LPAR3: variants seen among roughly 807,000 people sequenced by gnomAD.
LPAR3 encodes the protein lysophosphatidic acid receptor 3.
In LPAR3, 7 loss-of-function variants were observed where a neutral mutation model predicts 17.8. The ratio of observed to expected loss-of-function variants is 0.39; its 90% CI spans 0.22 to 0.74. The LOEUF (loss-of-function observed/expected upper bound fraction) is 0.74. Among genes scored for constraint, LPAR3 ranks in the 30% least tolerant of loss-of-function variants. LPAR3 has a pLI of 0.40. For missense variants in LPAR3, 391 were observed against 453.4 expected, an observed-to-expected ratio of 0.86 and a Z score of 1.25; for synonymous variants, 179 against 179.9, an observed-to-expected ratio of 0.99 and a Z score of 0.04.
At chr1:84,850,610 AC>A (rs926628689) in intron 2 of LPAR3, among the ~76,000 whole-genome samples, 8 of 151,856 alleles carry the variant, frequency 5.3e-5, no homozygotes. Context: ...AAGAAACAAA[AC>A]TAACAATCAC....
intron 2 of LPAR3, among the ~76,000 whole-genome samples, chr1:84,836,111 C>G (rs1397464952): frequency 2.2e-5 from 3 of 135,270 alleles, no homozygotes; most frequent in Non-Finnish European, 4.6e-5. Flanking sequence ...CCAAGGCGGG[C>G]AAACTGCTTG....
chr1:84,865,467 G>A lies in LPAR3; in HGVS notation c.654C>T (p.Asn218=), dbSNP rs777206710. The A allele has an allele frequency of 9.9e-6, 16 of 1,614,170 alleles. No homozygotes were observed. The highest frequency in any genetic ancestry group is 8.8e-5 in the South Asian group (8 of 91,074). The stretch of plus-strand genomic sequence containing the variant: ...ACCCACTTGTATGCGGAGACAAGAC[G>A]TTGGTTTTCCTCTTGACGTACACGT... ...RIYVYVKRKT[N]VLSPHTSGSI... is the part of the protein sequence containing the mutation. The change falls in exon 2 of 3, where the codon AAC becomes AAT. Residue 218 remains asparagine (N), a synonymous_variant. Transcript: ENST00000370611.
intron 2 of LPAR3, among the ~76,000 whole-genome samples, chr1:84,829,304 GCT>G: frequency 6.6e-6 from 1 of 151,846 alleles, no homozygotes; most frequent in Non-Finnish European, 1.5e-5. Flanking sequence ...TGTATAAGGT[GCT>G]GTCTAGTTCC....
intron 2 of LPAR3, among the ~76,000 whole-genome samples, chr1:84,815,256 C>A (rs1658910861): frequency 1.3e-5 from 2 of 152,200 alleles, no homozygotes; most frequent in African/African-American, 2.4e-5. Flanking sequence ...TATGACCCGC[C>A]TCTGTAGTAT....
intron 1 of LPAR3, among the ~76,000 whole-genome samples, chr1:84,874,132 T>C (rs550951207): frequency 7.2e-5 from 11 of 152,268 alleles, no homozygotes; most frequent in African/African-American, 1.9e-4. Flanking sequence ...AAAGTCTCCA[T>C]AATACTGGTC....
At position 84,865,466 on chromosome 1, in the gene LPAR3, C is replaced by A; in HGVS notation, c.655G>T (p.Val219Phe). ...GACCCACTTGTATGCGGAGACAAGA[C>A]GTTGGTTTTCCTCTTGACGTACACG... ...IYVYVKRKTN[V>F]LSPHTSGSIS... Residue 219 changes from valine (V) to phenylalanine (F), a missense_variant, in exon 2 of 3, where the codon GTC becomes TTC. Val to Phe is a conservative substitution (Grantham distance 50). Transcript: ENST00000370611. The A allele has an allele frequency of 6.2e-7, 1 of 1,614,138 alleles. No homozygotes were observed. The highest frequency in any genetic ancestry group is 2.2e-5 in the East Asian group (1 of 44,868).
At chr1:84,853,535 C>A (rs1378262839) in intron 2 of LPAR3, among the ~76,000 whole-genome samples, 1 of 152,214 alleles carries the variant, frequency 6.6e-6, no homozygotes, top group East Asian at 1.9e-4. Flanking sequence ...CTTCTTCTCT[C>A]TCTGCCTCCT....
At chr1:84,849,893 T>C (rs754402882) in intron 2 of LPAR3, among the ~76,000 whole-genome samples, 2 of 152,102 alleles carry the variant, frequency 1.3e-5, no homozygotes, top group Non-Finnish European at 2.9e-5. Flanking sequence ...CCCTGGATCA[T>C]AGTAGGGTTG....
chr1:84,839,766 A>C (rs1659474271), intron 2 of LPAR3, among the ~76,000 whole-genome samples: 1 of 152,228 alleles, frequency 6.6e-6, no homozygotes, highest in Non-Finnish European at 1.5e-5. Context: ...ACCAAAGTGC[A>C]CTCAAATCTT....
chr1:84,879,316 C>CTTTTTTTTTTTTTTT lies in LPAR3; in HGVS notation c.-18-13179_-18-13178insAAAAAAAAAAAAAAA, dbSNP rs1187756554. 2.7e-3 allele frequency among the ~76,000 whole-genome samples: 326 copies of CTTTTTTTTTTTTTTT among 120,594 alleles called. 4 individuals are homozygous for CTTTTTTTTTTTTTTT. Among genetic ancestry groups the CTTTTTTTTTTTTTTT allele is most frequent in the African/African-American group, 5.0e-3 (143 of 28,650 alleles). 79.1% of individuals were successfully genotyped at this position (120,594 alleles called of 152,430 possible). ...TTTTCTTTCTTTTCTTTTCTTTTTT[C>CTTTTTTTTTTTTTTT]TTTTTTTTTTTTTGAGATGGAATCT... On this transcript the variant is annotated intron_variant, in intron 1 of 2. Coordinates refer to ENST00000370611, the MANE Select transcript of LPAR3 (RefSeq NM_012152.3).
intron 2 of LPAR3, among the ~76,000 whole-genome samples, chr1:84,827,446 A>G (rs981279451): frequency 6.6e-6 from 1 of 152,156 alleles, no homozygotes; most frequent in Non-Finnish European, 1.5e-5. Context: ...CCAGATAACC[A>G]AAGCTTAAAA....
At chr1:84,827,445 CA>C (rs1659182780) in intron 2 of LPAR3, among the ~76,000 whole-genome samples, 1 of 150,994 alleles carries the variant, frequency 6.6e-6, no homozygotes, top group East Asian at 1.9e-4. Context: ...TCCAGATAAC[CA>C]AAGCTTAAAA....
At chr1:84,858,770 C>A (rs960933596) in intron 2 of LPAR3, among the ~76,000 whole-genome samples, 2 of 152,168 alleles carry the variant, frequency 1.3e-5, no homozygotes, top group Non-Finnish European at 2.9e-5. Context: ...AAGGTACAGT[C>A]CCTGACTTCG....
intron 1 of LPAR3, among the ~76,000 whole-genome samples, chr1:84,888,644 G>C (rs1415319873): frequency 6.6e-6 from 1 of 152,182 alleles, no homozygotes; most frequent in Non-Finnish European, 1.5e-5. Flanking sequence ...TTGCCTTAAA[G>C]CTGCATTTAT....
At chr1:84,882,586 A>T (rs950430167) in intron 1 of LPAR3, among the ~76,000 whole-genome samples, 4 of 152,242 alleles carry the variant, frequency 2.6e-5, no homozygotes, top group Admixed American at 2.0e-4. Context: ...ATTTTAAAAC[A>T]TACTACAAAG....
chr1:84,846,888 C>A (rs1057131659), intron 2 of LPAR3, among the ~76,000 whole-genome samples: 22 of 151,972 alleles, frequency 1.4e-4, no homozygotes. Context: ...TTAAATAGGT[C>A]CTACAAGAGT....
At chr1:84,873,522 C>T (rs1660196779) in intron 1 of LPAR3, among the ~76,000 whole-genome samples, 1 of 152,080 alleles carries the variant, frequency 6.6e-6, no homozygotes, top group Non-Finnish European at 1.5e-5. Flanking sequence ...GCAATTTGTT[C>T]AAAATTAAAT....
chr1:84,834,971 T>C (rs1238776427), intron 2 of LPAR3, among the ~76,000 whole-genome samples: 2 of 152,238 alleles, frequency 1.3e-5, no homozygotes, highest in Non-Finnish European at 2.9e-5. Context: ...ATATTCTTTC[T>C]GTAACTTCTA....
At chr1:84,872,785 G>T (rs981347521) in intron 1 of LPAR3, among the ~76,000 whole-genome samples, 1 of 152,110 alleles carries the variant, frequency 6.6e-6, no homozygotes, top group Non-Finnish European at 1.5e-5. Flanking sequence ...GGGCGGTGGG[G>T]GCAGTTAGTG....
Sources: gnomAD v4.1 joint callset for allele counts (sites outside exome capture counted in the v4.1 genomes callset) on GRCh38, gnomAD v4.1.1 for gene constraint, MANE v1.5 for transcripts, NCBI Gene and HGNC (gene_info 2026-07-23, HGNC 2026-07-21) for gene names.